Variants in AKT3 observed in about 807,000 individuals in gnomAD.
AKT3 encodes AKT serine/threonine kinase 3.
A neutral mutation model predicts 65.3 loss-of-function variants in AKT3; 15 were observed. That is an observed-to-expected ratio of 0.23 (90% CI 0.15 to 0.35). The LOEUF (loss-of-function observed/expected upper bound fraction) is 0.35, where lower values mean the gene tolerates loss of function less well. Among genes scored for constraint, AKT3 ranks in the 10% least tolerant of loss-of-function variants. The probability of loss-of-function intolerance (pLI) is 1.00; values close to 1 mark genes in which losing one functional copy is unlikely to be tolerated. For synonymous variants in AKT3, 206 were observed against 183.8 expected (o/e 1.12, Z -0.98); for missense variants, 243 against 576.5 (o/e 0.42, Z 5.92).
At chr1:243,565,587 C>A (rs1380339625) in intron 9 of AKT3, among the ~76,000 whole-genome samples, 2 of 152,140 alleles carry the variant, frequency 1.3e-5, no homozygotes, top group Admixed American at 6.5e-5. Flanking sequence ...TCTCTACCAG[C>A]CAGAACCTAG....
chr1:243,508,568 A>G (rs1192713257), intron 13 of AKT3, among the ~76,000 whole-genome samples: 1 of 151,402 alleles, frequency 6.6e-6, no homozygotes, highest in Non-Finnish European at 1.5e-5. Context: ...GAAACAGATG[A>G]CATTGCTGGG....
Position 243,620,426 on chromosome 1 carries a change from T to C in AKT3, c.562-5265A>G, listed in dbSNP as rs544235380. ...TTTTGATTTGCATTTCCCTGATGAG[T>C]AGTGATATGACACACTTTTACAAAT... is the stretch of plus-strand genomic sequence containing the variant. On this transcript the variant is annotated intron_variant, in intron 6 of 13. Coordinates refer to ENST00000673466, the MANE Select transcript of AKT3 (RefSeq NM_005465.7). Among the ~76,000 whole-genome samples, 2 of 40,902 alleles carry C rather than the reference T, an allele frequency of 4.9e-5. 1 individual carries two copies. The highest frequency in any genetic ancestry group is 1.5e-3 in the East Asian group (2 of 1,374). The allele number at this position is 40,902 out of a possible 152,430, so 26.8% of individuals were successfully genotyped here.
In AKT3 at chr1:243,646,804, T is replaced by C. The variant is rs1357967888; in HGVS notation, c.285-767A>G. On this transcript the variant is annotated intron_variant, in intron 4 of 13. Transcript: ENST00000673466. Reference sequence around the variant, plus strand: ...GAAAGGTTTTCAAAGCCAAAACCTTTCATTGTTTCCAGATCATAGTAAATT... The same window carrying C: ...GAAAGGTTTTCAAAGCCAAAACCTTCCATTGTTTCCAGATCATAGTAAATT... 5.3e-5 allele frequency among the ~76,000 whole-genome samples: 8 copies of C among 152,174 alleles called. No individual in the cohort carries two copies. The East Asian group carries it at 1.5e-3, about 29-fold the overall frequency.
At chr1:243,567,987 G>A (rs1674293484) in intron 9 of AKT3, among the ~76,000 whole-genome samples, 1 of 152,090 alleles carries the variant, frequency 6.6e-6, no homozygotes, top group South Asian at 2.1e-4. Flanking sequence ...GTAACATCTG[G>A]AAATCACTGT....
At chr1:243,673,908 C>T (rs1213355770) in intron 3 of AKT3, among the ~76,000 whole-genome samples, 3 of 152,020 alleles carry the variant, frequency 2.0e-5, no homozygotes, top group African/African-American at 4.8e-5. Flanking sequence ...CCACTGTGCC[C>T]GGTCTATTTT....
Position 243,803,780 on chromosome 1 carries a change from C to T in AKT3, c.46+39345G>A, listed in dbSNP as rs1433385010. Among the ~76,000 whole-genome samples, 7 of 152,108 alleles carry T rather than the reference C, an allele frequency of 4.6e-5. No individual in the cohort carries two copies. The East Asian group carries it at 1.3e-3, about 29-fold the overall frequency. On this transcript the variant is annotated intron_variant, in intron 2 of 13. Coordinates refer to ENST00000673466, the MANE Select transcript of AKT3 (RefSeq NM_005465.7). ...ACAGTGACCTCCTTCAAGAAATGAG[C>T]ACATAACCCAGGATCCAGACAATCA...
chr1:243,700,455 T>A (rs535525262), intron 2 of AKT3, among the ~76,000 whole-genome samples: 1 of 152,210 alleles, frequency 6.6e-6, no homozygotes, highest in African/African-American at 2.4e-5. Context: ...CATCCTGAAT[T>A]TCCACAGCTG....
intron 4 of AKT3, among the ~76,000 whole-genome samples, chr1:243,657,179 T>C (rs570678813): frequency 1.3e-5 from 2 of 152,130 alleles, no homozygotes; most frequent in East Asian, 1.9e-4. Context: ...CCTCAGAGAG[T>C]TCCTTTGGCA....
intron 4 of AKT3, among the ~76,000 whole-genome samples, chr1:243,663,394 T>C (rs1682526036): frequency 6.7e-6 from 1 of 150,120 alleles, no homozygotes; most frequent in Non-Finnish European, 1.5e-5. Context: ...GAAAGCTCAG[T>C]ATTAATTATC....
intron 8 of AKT3, among the ~76,000 whole-genome samples, chr1:243,580,586 T>C (rs564254372): frequency 1.2e-4 from 18 of 152,278 alleles, no homozygotes; most frequent in East Asian, 3.9e-4. Flanking sequence ...CTGTGGAAAG[T>C]ACCCCAACAA....
At chr1:243,726,428 A>T (rs944411776) in intron 2 of AKT3, among the ~76,000 whole-genome samples, 1 of 152,190 alleles carries the variant, frequency 6.6e-6, no homozygotes. Flanking sequence ...CTATAAAGTG[A>T]ACTCAATTAA....
At chr1:243,498,413 G>A (rs971280780), downstream of AKT3, among the ~76,000 whole-genome samples, 12 of 152,106 alleles carry the variant, frequency 7.9e-5, no homozygotes, top group African/African-American at 2.2e-4. Context: ...CTGGCTCCAC[G>A]GGCCTGGGAG....
chr1:243,726,341 T>C (rs1379926839), intron 2 of AKT3, among the ~76,000 whole-genome samples: 2 of 152,218 alleles, frequency 1.3e-5, no homozygotes, highest in South Asian at 4.1e-4. Context: ...AAGAGTCAGG[T>C]GTTTTTTAAC....
chr1:243,645,589 C>A (rs1416279384), intron 5 of AKT3, among the ~76,000 whole-genome samples: 3 of 152,078 alleles, frequency 2.0e-5, no homozygotes, highest in Non-Finnish European at 2.9e-5. Context: ...CATTTTATTA[C>A]AAAGTTTCTA....
intron 2 of AKT3, among the ~76,000 whole-genome samples, chr1:243,829,225 T>C (rs767910919): frequency 6.6e-6 from 1 of 152,262 alleles, no homozygotes; most frequent in East Asian, 1.9e-4. Context: ...AGAAAGAATA[T>C]GGAAGAAAGG....
At position 243,627,384 on chromosome 1, in the gene AKT3, T is replaced by C. The variant is rs192306895; in HGVS notation, c.561+10227A>G. The stretch of plus-strand genomic sequence containing the variant: ...CTGATTGATCTTGAAAATACTTTTT[T>C]CTTGGTCCCAATCTCAGGAAAAAAA... On this transcript the variant is annotated intron_variant, in intron 6 of 13. Coordinates refer to ENST00000673466, the MANE Select transcript of AKT3 (RefSeq NM_005465.7). Among the ~76,000 whole-genome samples, 63 of 152,282 alleles carry C rather than the reference T, an allele frequency of 4.1e-4. No homozygotes were observed. The East Asian group carries it at 9.3e-3, about 22-fold the overall frequency.
chr1:243,803,941 G>A (rs377443222), intron 2 of AKT3, among the ~76,000 whole-genome samples: 10 of 152,170 alleles, frequency 6.6e-5, no homozygotes, highest in African/African-American at 2.4e-4. Context: ...TTCAGACAGT[G>A]AGCCGTGATG....
chr1:243,678,304 G>GCAA (rs1042113074), intron 3 of AKT3, among the ~76,000 whole-genome samples: 9 of 152,028 alleles, frequency 5.9e-5, no homozygotes, highest in South Asian at 4.2e-4. Flanking sequence ...ATTTACTACA[G>GCAA]CAACAACAAC....
rs1669577655 is a variant in AKT3 at position 243,505,052 on chromosome 1, A to G, written c.*197T>C. On this transcript the variant is annotated 3_prime_UTR_variant, in exon 14 of 14. Coordinates refer to ENST00000673466, the MANE Select transcript of AKT3 (RefSeq NM_005465.7). ...CTTAGACTGAGATACAATTTCATGC[A>G]AAAACAAAAACTGGAGTGTATTTGC... The G allele has an allele frequency of 1.8e-6, 1 of 551,950 alleles. No individual in the cohort carries two copies. The highest frequency in any genetic ancestry group is 3.2e-6 in the Non-Finnish European group (1 of 311,310). The allele number at this position is 551,950 out of a possible 1,614,324, so 34.2% of individuals were successfully genotyped here.
Sources: allele counts gnomAD v4.1 joint callset (sites outside exome capture counted in the v4.1 genomes callset), GRCh38; gene constraint gnomAD v4.1.1; transcripts MANE v1.5; gene names NCBI Gene and HGNC (gene_info 2026-07-23, HGNC 2026-07-21).